The following BMPR1B variants were observed in gnomAD, a reference collection of about 807,000 sequenced individuals.
BMPR1B encodes bone morphogenetic protein receptor type 1B, also known as bone morphogenetic protein receptor type-1B.
Under a neutral mutation model 59.1 loss-of-function variants are expected in BMPR1B, and 12 were observed. The ratio of observed to expected loss-of-function variants is 0.20; its 90% CI spans 0.13 to 0.33. BMPR1B has a LOEUF of 0.33. BMPR1B is among the 10% of genes least tolerant of loss of function. The probability of loss-of-function intolerance (pLI) is 1.00; values close to 1 mark genes in which losing one functional copy is unlikely to be tolerated. For synonymous variants in BMPR1B, 237 were observed against 207.3 expected, an observed-to-expected ratio of 1.14 and a Z score of -1.23; for missense variants, 550 against 610.9, an observed-to-expected ratio of 0.90 and a Z score of 1.05.
chr4:95,055,163 A>G (rs1325944507), intron 3 of BMPR1B, among the ~76,000 whole-genome samples: 1 of 152,186 alleles, frequency 6.6e-6, no homozygotes, highest in African/African-American at 2.4e-5. Flanking sequence ...GTACAGTTTT[A>G]TATAACCTGG....
At chr4:94,954,988 C>G (rs1224958316) in intron 2 of BMPR1B, among the ~76,000 whole-genome samples, 1 of 152,138 alleles carries the variant, frequency 6.6e-6, no homozygotes, top group Non-Finnish European at 1.5e-5. Flanking sequence ...CCCCCTTATA[C>G]TTTTAATCTT....
intron 2 of BMPR1B, among the ~76,000 whole-genome samples, chr4:94,961,997 C>G (rs1387943467): frequency 6.6e-6 from 1 of 152,058 alleles, no homozygotes; most frequent in Non-Finnish European, 1.5e-5. Context: ...TTGTTCTTAA[C>G]TATAGTCACC....
chr4:94,970,870 ATTTTTT>A (rs1260021473), intron 2 of BMPR1B, among the ~76,000 whole-genome samples: 2 of 151,812 alleles, frequency 1.3e-5, no homozygotes. Flanking sequence ...ACTGAACACT[ATTTTTT>A]TTATAGCCCT....
rs10685663 is a variant in BMPR1B at position 95,059,630 on chromosome 4, TAAAAA to T, written c.-17-44774_-17-44770del. Among the ~76,000 whole-genome samples the T allele has an allele frequency of 2.9e-3, 445 of 151,522 alleles. 1 individual carries two copies. Among genetic ancestry groups the T allele is most frequent in the African/African-American group, 0.01 (430 of 41,322 alleles). ...ATCTACTCTACTTAACCTATTATGG[TAAAAA>T]AAACAATTTTCTATCTTTTTTTGTT... On this transcript the variant is annotated intron_variant, in intron 3 of 12. Coordinates refer to ENST00000515059, the MANE Select transcript of BMPR1B (RefSeq NM_001203.3).
intron 10 of BMPR1B, among the ~76,000 whole-genome samples, chr4:95,147,105 TTTTA>T (rs1474064280): frequency 1.3e-5 from 2 of 152,150 alleles, no homozygotes; most frequent in Non-Finnish European, 2.9e-5. Context: ...ACGTCTTAAC[TTTTA>T]TTTAAGAAAA....
At chr4:94,983,524 A>G (rs930163404) in intron 2 of BMPR1B, among the ~76,000 whole-genome samples, 2 of 152,240 alleles carry the variant, frequency 1.3e-5, no homozygotes, top group Non-Finnish European at 2.9e-5. Context: ...GAGACCTAGA[A>G]TGAAATGAAT....
intron 3 of BMPR1B, among the ~76,000 whole-genome samples, chr4:95,085,883 G>T (rs1433561343): frequency 6.6e-6 from 1 of 152,078 alleles, no homozygotes; most frequent in Non-Finnish European, 1.5e-5. Flanking sequence ...TAAGTTACTT[G>T]TGAGGTTTAT....
intron 10 of BMPR1B, among the ~76,000 whole-genome samples, chr4:95,147,473 A>T (rs3775042): frequency 6.6e-6 from 1 of 151,882 alleles, no homozygotes; most frequent in South Asian, 2.1e-4. Context: ...TGACAGCAGG[A>T]TAAGTGTGAT....
intron 1 of BMPR1B, among the ~76,000 whole-genome samples, chr4:94,843,089 T>C (rs76882065): frequency 2.2e-3 from 336 of 152,284 alleles, no homozygotes; most frequent in African/African-American, 7.6e-3. Flanking sequence ...TTAATACTTA[T>C]ATTAACTCTG....
At chr4:94,920,791 A>C (rs972598696) in intron 2 of BMPR1B, among the ~76,000 whole-genome samples, 1 of 152,224 alleles carries the variant, frequency 6.6e-6, no homozygotes, top group Non-Finnish European at 1.5e-5. Flanking sequence ...AAATAGCTAC[A>C]TAATTAATTT....
chr4:95,123,950 T>A (rs750136481), intron 7 of BMPR1B, 44 bp downstream of exon 7: 30 of 1,368,202 alleles, frequency 2.2e-5, no homozygotes, highest in Non-Finnish European at 3.1e-5. Context: ...ATTTATAGTG[T>A]CTTCTTTTTA....
At chr4:94,871,736 A>G (rs1009124810) in intron 1 of BMPR1B, among the ~76,000 whole-genome samples, 1 of 152,218 alleles carries the variant, frequency 6.6e-6, no homozygotes, top group Non-Finnish European at 1.5e-5. Flanking sequence ...TGCTCCAGTA[A>G]GGATACTGAA....
At chr4:94,988,432 T>C (rs1415854529) in intron 2 of BMPR1B, among the ~76,000 whole-genome samples, 2 of 152,218 alleles carry the variant, frequency 1.3e-5, no homozygotes, top group Non-Finnish European at 2.9e-5. Context: ...TTGGTTATGG[T>C]TATGTGTATT....
intron 3 of BMPR1B, among the ~76,000 whole-genome samples, chr4:95,085,353 C>A (rs901853509): frequency 6.6e-6 from 1 of 152,018 alleles, no homozygotes; most frequent in Non-Finnish European, 1.5e-5. Context: ...CTTGTGAAGT[C>A]GAGAGAGGCA....
intron 3 of BMPR1B, among the ~76,000 whole-genome samples, chr4:95,071,638 GTGTGTGTGTGTGTGTA>G (rs1464601249): frequency 1.6e-4 from 14 of 85,896 alleles, no homozygotes; most frequent in Admixed American, 1.5e-3. Context: ...GTGTTTGTGT[GTGTGTGTGTGTGTGTA>G]TATATATATA....
At chr4:95,033,947 A>T (rs1725054744) in intron 3 of BMPR1B, among the ~76,000 whole-genome samples, 1 of 152,146 alleles carries the variant, frequency 6.6e-6, no homozygotes, top group African/African-American at 2.4e-5. Flanking sequence ...AAGAGGAAGC[A>T]ATTATTTCTG....
At chr4:95,065,267 A>G (rs1373892182) in intron 3 of BMPR1B, among the ~76,000 whole-genome samples, 1 of 152,164 alleles carries the variant, frequency 6.6e-6, no homozygotes, top group African/African-American at 2.4e-5. Context: ...TGTGTTTTCT[A>G]TTTACATGAA....
rs765529304 is a variant in BMPR1B at position 94,975,052 on chromosome 4, G to A, written c.-112-20988G>A. ...AAGAGCCAACAGACTTCACAAGGAC[G>A]AAACTTCCAGTTTGTTATTTACGGT... On this transcript the variant is annotated intron_variant, in intron 2 of 12. Coordinates refer to ENST00000515059, the MANE Select transcript of BMPR1B (RefSeq NM_001203.3). Among the ~76,000 whole-genome samples, 19 of 152,312 alleles carry A rather than the reference G, an allele frequency of 1.2e-4. 1 individual carries two copies. The highest frequency in any genetic ancestry group is 2.6e-4 in the Admixed American group (4 of 15,294).
intron 3 of BMPR1B, among the ~76,000 whole-genome samples, chr4:95,064,170 G>T (rs1727626219): frequency 6.6e-6 from 1 of 152,014 alleles, no homozygotes; most frequent in South Asian, 2.1e-4. Flanking sequence ...AGCAATAATA[G>T]AAAAAAATAA....
Sources: gnomAD v4.1 joint callset for allele counts (sites outside exome capture counted in the v4.1 genomes callset) on GRCh38, gnomAD v4.1.1 for gene constraint, MANE v1.5 for transcripts, NCBI Gene and HGNC (gene_info 2026-07-23, HGNC 2026-07-21) for gene names.